The following CPNE8 variants were observed in gnomAD, a reference collection of about 807,000 sequenced individuals.
The protein encoded by CPNE8 is copine 8, also known as copine-8.
In CPNE8, 45 loss-of-function variants were observed where a neutral mutation model predicts 81.5. The ratio of observed to expected loss-of-function variants is 0.55; its 90% CI spans 0.44 to 0.71. The LOEUF (loss-of-function observed/expected upper bound fraction) is 0.71. CPNE8 is among the 30% of genes least tolerant of loss of function. The pLI, the probability that CPNE8 is intolerant of heterozygous loss-of-function variation, is 0.00. For missense variants in CPNE8, 594 were observed against 672.1 expected (o/e 0.88, Z 1.28); for synonymous variants, 252 against 226.3 (o/e 1.11, Z -1.02).
intron 6 of CPNE8, among the ~76,000 whole-genome samples, chr12:38,815,320 A>G (rs1319650802): frequency 6.6e-6 from 1 of 152,054 alleles, no homozygotes; most frequent in Non-Finnish European, 1.5e-5. Context: ...CACCACTCCT[A>G]GCCTTTTATT....
At chr12:38,870,697 C>CG (rs1943979446) in intron 3 of CPNE8, among the ~76,000 whole-genome samples, 1 of 151,886 alleles carries the variant, frequency 6.6e-6, no homozygotes. Context: ...ATGTAGATGA[C>CG]GGGTTGACAG....
intron 6 of CPNE8, among the ~76,000 whole-genome samples, chr12:38,790,823 T>C: frequency 6.6e-6 from 1 of 151,734 alleles, no homozygotes; most frequent in East Asian, 1.9e-4. Context: ...TTTGAGAGAC[T>C]GGATAATTTG....
intron 13 of CPNE8, among the ~76,000 whole-genome samples, chr12:38,716,434 C>T (rs181956455): frequency 3.3e-5 from 5 of 152,118 alleles, no homozygotes; most frequent in Admixed American, 2.0e-4. Flanking sequence ...CAGTATGGTA[C>T]TGGTAAAATG....
chr12:38,896,392 TTGTGTATCAGGG>T (rs1944389497), intron 1 of CPNE8, among the ~76,000 whole-genome samples: 1 of 152,108 alleles, frequency 6.6e-6, no homozygotes, highest in Non-Finnish European at 1.5e-5. Flanking sequence ...TATTAAGGTA[TTGTGTATCAGGG>T]AGTGAACATC....
chr12:38,895,168 C>T (rs1443756153), intron 1 of CPNE8, among the ~76,000 whole-genome samples: 1 of 152,034 alleles, frequency 6.6e-6, no homozygotes, highest in Non-Finnish European at 1.5e-5. Flanking sequence ...TGCCACAATT[C>T]ATATAGCTCA....
chr12:38,787,972 G>GAAA lies in CPNE8; in HGVS notation c.408-11674_408-11672dup, dbSNP rs35455026. The stretch of plus-strand genomic sequence containing the variant: ...TGAAGTCATAATAAAAAGTCTCCCA[G>GAAA]AAAAAAAAAAAAAAAAAAAGCCCAG... On this transcript the variant is annotated intron_variant, in intron 6 of 19. Coordinates refer to ENST00000331366, the MANE Select transcript of CPNE8 (RefSeq NM_153634.3). Among the ~76,000 whole-genome samples the GAAA allele has an allele frequency of 2.3e-4, 22 of 93,812 alleles. 2 individuals carry two copies. The highest frequency in any genetic ancestry group is 7.5e-4 in the South Asian group (2 of 2,672). 61.5% of individuals were successfully genotyped at this position (93,812 alleles called of 152,430 possible). A position where few individuals can be genotyped will look rare whatever the true frequency, so the allele number is the denominator to read the frequency against.
intron 6 of CPNE8, among the ~76,000 whole-genome samples, chr12:38,788,850 T>C (rs982373277): frequency 6.6e-6 from 1 of 151,646 alleles, no homozygotes; most frequent in Admixed American, 6.6e-5. Flanking sequence ...AGTAACCCTA[T>C]TTACAGTAGC....
At chr12:38,757,285 C>T (rs960503372) in intron 10 of CPNE8, among the ~76,000 whole-genome samples, 2 of 151,804 alleles carry the variant, frequency 1.3e-5, no homozygotes, top group East Asian at 1.9e-4. Context: ...ATCATTATGT[C>T]ATGAAATATA....
At chr12:38,886,996 C>A (rs1251395783) in intron 1 of CPNE8, among the ~76,000 whole-genome samples, 1 of 152,142 alleles carries the variant, frequency 6.6e-6, no homozygotes, top group Non-Finnish European at 1.5e-5. Context: ...GGACTTCTGA[C>A]TGAGACTGAA....
intron 15 of CPNE8, among the ~76,000 whole-genome samples, chr12:38,687,193 AAAATGTAGGACTGC>A (rs1336550180): frequency 1.3e-5 from 2 of 152,066 alleles, no homozygotes; most frequent in Non-Finnish European, 2.9e-5. Context: ...CATAACTTTA[AAAATGTAGGACTGC>A]CATTAACCCC....
Position 38,653,765 on chromosome 12 carries a change from C to T in CPNE8, c.*117G>A. ...ATTTGGATCCAAGAAAGCACATTAA[C>T]TGCTGAAACCAAACTGAGAAAACTA... On this transcript the variant is annotated 3_prime_UTR_variant, in exon 20 of 20. Transcript: ENST00000331366. 7.2e-7 allele frequency: 1 copy of T among 1,381,504 alleles called. No individual in the cohort carries two copies. Among genetic ancestry groups the T allele is most frequent in the Non-Finnish European group, 9.4e-7 (1 of 1,063,546 alleles). The allele number at this position is 1,381,504 out of a possible 1,614,324, so 85.6% of individuals were successfully genotyped here.
At chr12:38,895,924 C>A (rs57034739) in intron 1 of CPNE8, among the ~76,000 whole-genome samples, 2 of 152,188 alleles carry the variant, frequency 1.3e-5, no homozygotes, top group East Asian at 3.9e-4. Context: ...AGATACGTGA[C>A]TTAAACCAAA....
At chr12:38,902,695 T>C (rs1181986132) in intron 1 of CPNE8, among the ~76,000 whole-genome samples, 1 of 152,252 alleles carries the variant, frequency 6.6e-6, no homozygotes, top group Non-Finnish European at 1.5e-5. Flanking sequence ...ATCCCAATGC[T>C]GGTTCTATCC....
chr12:38,900,754 A>G (rs1359405266), intron 1 of CPNE8, among the ~76,000 whole-genome samples: 2 of 152,294 alleles, frequency 1.3e-5, no homozygotes, highest in East Asian at 3.9e-4. Context: ...ATTTTGGGCT[A>G]TGGCACACAT....
At chr12:38,902,901 A>G (rs1944511288) in intron 1 of CPNE8, among the ~76,000 whole-genome samples, 1 of 152,176 alleles carries the variant, frequency 6.6e-6, no homozygotes, top group South Asian at 2.1e-4. Context: ...AACACTCTAT[A>G]TAAGGTAAAT....
chr12:38,791,673 G>A (rs558387582), intron 6 of CPNE8, among the ~76,000 whole-genome samples: 1 of 151,592 alleles, frequency 6.6e-6, no homozygotes, highest in South Asian at 2.1e-4. Flanking sequence ...CTTTAATAAT[G>A]TATAGAACAA....
intron 18 of CPNE8, among the ~76,000 whole-genome samples, chr12:38,673,209 A>G (rs1939217462): frequency 6.6e-6 from 1 of 152,106 alleles, no homozygotes; most frequent in South Asian, 2.1e-4. Context: ...CCCTTCCACC[A>G]TGATTCTAAG....
chr12:38,700,596 T>A (rs560286570), intron 14 of CPNE8, among the ~76,000 whole-genome samples: 1,616 of 152,238 alleles, frequency 0.011, 31 homozygotes, highest in African/African-American at 0.036. Context: ...TGTAAAATGC[T>A]TTTCCTGCAT....
chr12:38,693,911 T>C lies in CPNE8; in HGVS notation c.962-73A>G, dbSNP rs905943363. 1.1e-5 allele frequency: 14 copies of C among 1,223,864 alleles called. No homozygotes were observed. The African/African-American group carries it at 1.8e-4, about 16-fold the overall frequency. 75.8% of individuals were successfully genotyped at this position (1,223,864 alleles called of 1,614,324 possible). On this transcript the variant is annotated intron_variant, in intron 14 of 19. Coordinates refer to ENST00000331366, the MANE Select transcript of CPNE8 (RefSeq NM_153634.3). ...ATTTAACAAAATTTTTCTTGGTGTC[T>C]ATTTCAGAATGAAATATTCAAAATT...
Sources: gnomAD v4.1 joint callset for allele counts (sites outside exome capture counted in the v4.1 genomes callset) on GRCh38, gnomAD v4.1.1 for gene constraint, MANE v1.5 for transcripts, NCBI Gene and HGNC (gene_info 2026-07-23, HGNC 2026-07-21) for gene names.